The following DRC11 variants were observed in gnomAD, a reference collection of about 807,000 sequenced individuals.
DRC11 encodes the protein dynein regulatory complex subunit 11.
the DRC11 span, among the ~76,000 whole-genome samples, chr2:236,347,404 T>A: frequency 0.46 from 68,896 of 150,130 alleles, 16,825 homozygotes; most frequent in African/African-American, 0.6. Context: ...CAAAAATGAT[T>A]CTTGCACATG....
At chr2:236,389,536 G>A in the DRC11 span, among the ~76,000 whole-genome samples, 7 of 152,288 alleles carry the variant, frequency 4.6e-5, no homozygotes, top group East Asian at 1.9e-4. Flanking sequence ...ACCGGTGCGC[G>A]CACCCACTGA....
the DRC11 span, among the ~76,000 whole-genome samples, chr2:236,347,508 C>CCATATATATATATATA: frequency 9.3e-6 from 1 of 107,490 alleles, no homozygotes; most frequent in Non-Finnish European, 2.2e-5. Flanking sequence ...AAAAACTGTG[C>CCATATATATATATATA]TATATATATA....
the DRC11 span, among the ~76,000 whole-genome samples, chr2:236,419,507 G>A: frequency 2.0e-5 from 3 of 150,562 alleles, no homozygotes; most frequent in Non-Finnish European, 3.0e-5. This position sits in a 1 kb window ranked among gnomAD's most constrained non-coding sequence, Gnocchi z 4.8. Context: ...GAGTCTCGAC[G>A]TTTCTGAGCC....
chr2:236,428,265 A>T, the DRC11 span, among the ~76,000 whole-genome samples: 1 of 152,292 alleles, frequency 6.6e-6, no homozygotes, highest in South Asian at 2.1e-4. Context: ...TCTAAAGTGT[A>T]GTTCAAGTTC....
At chr2:236,384,540 A>C in the DRC11 span, among the ~76,000 whole-genome samples, 6 of 151,946 alleles carry the variant, frequency 3.9e-5, no homozygotes, top group Non-Finnish European at 8.8e-5. Flanking sequence ...GTTTGAGTTC[A>C]TTGTAGATTC....
At chr2:236,399,975 CCA>C in the DRC11 span, among the ~76,000 whole-genome samples, 28 of 152,244 alleles carry the variant, frequency 1.8e-4, no homozygotes, top group African/African-American at 6.7e-4. This position sits in a 1 kb window ranked among gnomAD's most constrained non-coding sequence, Gnocchi z 7.0. Context: ...CCTCAGCCTC[CCA>C]CAGTGTTGGG....
chr2:236,483,744 C>A, the DRC11 span, among the ~76,000 whole-genome samples: 1 of 152,150 alleles, frequency 6.6e-6, no homozygotes. The surrounding 1 kb of genome is among the most constrained non-coding windows in gnomAD (Gnocchi z 4.8). Flanking sequence ...ACGAACTTGC[C>A]GTGTCATTTA....
chr2:236,441,033 TTTGTACCTGTTGTATGGTC>T, the DRC11 span: 1 of 1,480,966 alleles, frequency 6.8e-7, no homozygotes, highest in Admixed American at 2.0e-5. Flanking sequence ...CTCAAGCATA[TTTGTACCTGTTGTATGGTC>T]TTGTCAGAAA....
chr2:236,498,050 G>C, the DRC11 span, among the ~76,000 whole-genome samples: 2 of 152,130 alleles, frequency 1.3e-5, no homozygotes, highest in African/African-American at 4.8e-5. Flanking sequence ...ATAAATTGTA[G>C]TATATACACC....
At chr2:236,357,077 ATATC>A in the DRC11 span, among the ~76,000 whole-genome samples, 5 of 123,628 alleles carry the variant, frequency 4.0e-5, 1 homozygote, top group East Asian at 2.1e-4. Context: ...CATATATTAT[ATATC>A]TATATATTTT....
chr2:236,357,437 T>C, the DRC11 span, among the ~76,000 whole-genome samples: 1 of 126,630 alleles, frequency 7.9e-6, no homozygotes, highest in Non-Finnish European at 1.5e-5. Context: ...ACATAGTATA[T>C]GTATATTTAT....
the DRC11 span, among the ~76,000 whole-genome samples, chr2:236,471,745 C>A: frequency 6.6e-6 from 1 of 152,142 alleles, no homozygotes; most frequent in Admixed American, 6.5e-5. This position sits in a 1 kb window ranked among gnomAD's most constrained non-coding sequence, Gnocchi z 4.6. Flanking sequence ...AAGGTGCCAG[C>A]CCAAGTTCAC....
the DRC11 span, among the ~76,000 whole-genome samples, chr2:236,309,008 C>T: frequency 6.6e-6 from 1 of 152,220 alleles, no homozygotes; most frequent in African/African-American, 2.4e-5. The surrounding 1 kb of genome is among the most constrained non-coding windows in gnomAD (Gnocchi z 5.7). Context: ...CAAAGTCTTT[C>T]TCTTCCTTTC....
chr2:236,324,822 C>T, the DRC11 span: 2 of 1,365,496 alleles, frequency 1.5e-6, no homozygotes, highest in Non-Finnish European at 2.1e-6. This position sits in a 1 kb window ranked among gnomAD's most constrained non-coding sequence, Gnocchi z 5.7. Context: ...GTCAGAATGA[C>T]ACCAATTCAC....
the DRC11 span, among the ~76,000 whole-genome samples, chr2:236,389,247 G>C: frequency 5.9e-5 from 9 of 152,290 alleles, no homozygotes; most frequent in South Asian, 1.7e-3. Context: ...AATGGCGGGC[G>C]CCCCTCCCCC....
At chr2:236,457,137 G>C in the DRC11 span, among the ~76,000 whole-genome samples, 1 of 152,238 alleles carries the variant, frequency 6.6e-6, no homozygotes, top group Non-Finnish European at 1.5e-5. The surrounding 1 kb of genome is among the most constrained non-coding windows in gnomAD (Gnocchi z 4.7). Context: ...TTCAAGCCAT[G>C]AGAAATACCA....
the DRC11 span, chr2:236,409,046 T>C: frequency 1.2e-4 from 73 of 600,056 alleles, 1 homozygote; most frequent in South Asian, 1.3e-3. Flanking sequence ...GAGGGACCCA[T>C]GTCTGGGAGT....
chr2:236,376,008 AT>A, the DRC11 span, among the ~76,000 whole-genome samples: 1 of 152,212 alleles, frequency 6.6e-6, no homozygotes, highest in African/African-American at 2.4e-5. The surrounding 1 kb of genome is among the most constrained non-coding windows in gnomAD (Gnocchi z 5.7). Flanking sequence ...TTCATTAATT[AT>A]AAAGGGAAAG....
At chr2:236,307,643 A>G in the DRC11 span, among the ~76,000 whole-genome samples, 1 of 152,146 alleles carries the variant, frequency 6.6e-6, no homozygotes, top group African/African-American at 2.4e-5. The surrounding 1 kb of genome is among the most constrained non-coding windows in gnomAD (Gnocchi z 7.0). Flanking sequence ...CTCTAGGATC[A>G]TCTAAGGCAG....
Sources: allele counts gnomAD v4.1 joint callset (sites outside exome capture counted in the v4.1 genomes callset), GRCh38; gene constraint gnomAD v4.1.1; non-coding constraint Gnocchi (gnomAD v3.1); transcripts MANE v1.5; gene names NCBI Gene and HGNC (gene_info 2026-07-23, HGNC 2026-07-21).